HM13: variants seen among roughly 807,000 people sequenced by gnomAD.
HM13 encodes the protein signal peptide peptidase.
HM13 carries 18 observed loss-of-function variants against 50.0 expected under a neutral mutation model. That is an observed-to-expected ratio of 0.36 (90% CI 0.25 to 0.53). The LOEUF is 0.53. HM13 is among the 20% of genes least tolerant of loss of function. HM13 has a pLI of 0.90. For missense variants in HM13, 393 were observed against 552.4 expected (o/e 0.71, Z 2.89); for synonymous variants, 197 against 232.6 (o/e 0.85, Z 1.39).
At chr20:31,561,953 A>G (rs1600668621) in intron 10 of HM13, among the ~76,000 whole-genome samples, 1 of 152,230 alleles carries the variant, frequency 6.6e-6, no homozygotes. Context: ...GAAGGAGGGA[A>G]AAGCGTAACA....
rs573419490 is a variant in HM13, at chr20:31,567,225, G to A, written c.1035-853G>A. 2.4e-4 allele frequency among the ~76,000 whole-genome samples: 36 copies of A among 152,266 alleles called. No individual in the cohort carries two copies. The South Asian group carries it at 3.3e-3, about 14-fold the overall frequency. On this transcript the variant is annotated intron_variant, in intron 11 of 12. Transcript: ENST00000398174. Reference sequence around the variant, plus strand: ...GGTGAACTTGGGGACAGGTCTCAGGGAGCTTTGGGAGCAGGCATGGCACCC... The same window carrying A: ...GGTGAACTTGGGGACAGGTCTCAGGAAGCTTTGGGAGCAGGCATGGCACCC...
chr20:31,521,939 C>T (rs1568779186), intron 1 of HM13, among the ~76,000 whole-genome samples: 3 of 150,682 alleles, frequency 2.0e-5, no homozygotes, highest in Non-Finnish European at 4.4e-5. Flanking sequence ...ACCGATCTGC[C>T]CACCTTGACC....
intron 1 of HM13, among the ~76,000 whole-genome samples, chr20:31,522,554 C>CAAA (rs35963745): frequency 1.4e-4 from 16 of 114,974 alleles, no homozygotes; most frequent in African/African-American, 6.6e-4. Flanking sequence ...TAAAAAAAAA[C>CAAA]AAAAAAAAAA....
intron 1 of HM13, among the ~76,000 whole-genome samples, chr20:31,517,390 C>T (rs1568776632): frequency 6.6e-6 from 1 of 152,168 alleles, no homozygotes; most frequent in Non-Finnish European, 1.5e-5. Context: ...ATGACCCAGG[C>T]AGTAGCTGCA....
chr20:31,551,826 C>T (rs1984049778), intron 7 of HM13, among the ~76,000 whole-genome samples: 1 of 152,188 alleles, frequency 6.6e-6, no homozygotes, highest in African/African-American at 2.4e-5. Flanking sequence ...TTTCTCCCTG[C>T]GTTGAGGAGA....
At chr20:31,568,560 C>G (rs1190197672) in intron 12 of HM13, among the ~76,000 whole-genome samples, 1 of 152,240 alleles carries the variant, frequency 6.6e-6, no homozygotes, top group East Asian at 1.9e-4. Context: ...GGGCACATTC[C>G]TGCCTCACGG....
chr20:31,541,198 C>T (rs141428912), intron 3 of HM13: 41 of 151,922 alleles, frequency 2.7e-4, no homozygotes, highest in African/African-American at 9.2e-4. Flanking sequence ...AATAATGGAT[C>T]ACCTGGGCAT....
intron 2 of HM13, chr20:31,527,835 A>T: frequency 2.3e-6 from 1 of 437,306 alleles, no homozygotes; most frequent in Non-Finnish European, 4.0e-6. Context: ...GTTTCATTGT[A>T]CTGTTTATGT....
In HM13 at chr20:31,543,933, C is replaced by CA. The variant is rs879883499; in HGVS notation, c.366-1003dup. 3.6e-3 allele frequency among the ~76,000 whole-genome samples: 517 copies of CA among 143,538 alleles called. 1 individual carries two copies. Among genetic ancestry groups the CA allele is most frequent in the African/African-American group, 0.012 (458 of 39,406 alleles). 94.2% of individuals were successfully genotyped at this position (143,538 alleles called of 152,430 possible). ...TGGGCGACAGAGTGAGACTCCATCT[C>CA]AAAAAAAAAAAGAGTTCCCTTTTCC... is the stretch of plus-strand genomic sequence containing the variant. On this transcript the variant is annotated intron_variant, in intron 3 of 12. Coordinates refer to ENST00000398174, the MANE Select transcript of HM13 (RefSeq NM_178581.3).
intron 7 of HM13, among the ~76,000 whole-genome samples, chr20:31,553,476 A>G (rs1984138388): frequency 6.6e-6 from 1 of 152,168 alleles, no homozygotes; most frequent in African/African-American, 2.4e-5. Context: ...TTAACTGTGT[A>G]CAAATCATCT....
intron 1 of HM13, among the ~76,000 whole-genome samples, chr20:31,517,095 A>G (rs1981835301): frequency 6.6e-6 from 1 of 152,118 alleles, no homozygotes; most frequent in South Asian, 2.1e-4. Context: ...TTCTACCCTG[A>G]GTCGTTTCCC....
intron 3 of HM13, chr20:31,540,992 A>G (rs1281405669): frequency 6.6e-6 from 1 of 152,044 alleles, no homozygotes; most frequent in Admixed American, 6.6e-5. Flanking sequence ...AAAAAAAAAA[A>G]AGAAATAATT....
chr20:31,524,800 G>A (rs1178062705), intron 1 of HM13, among the ~76,000 whole-genome samples: 6 of 140,178 alleles, frequency 4.3e-5, no homozygotes, highest in South Asian at 2.5e-4. Context: ...TGCACGCTCC[G>A]CCTCCCGGGT....
At chr20:31,547,769 CT>C in intron 4 of HM13, 4 of 962,316 alleles carry the variant, frequency 4.2e-6, no homozygotes, top group Non-Finnish European at 6.7e-6. Flanking sequence ...CACAAATACC[CT>C]TTTATCCTGC....
intron 9 of HM13, among the ~76,000 whole-genome samples, chr20:31,561,279 T>A (rs1984594118): frequency 6.6e-6 from 1 of 152,012 alleles, no homozygotes; most frequent in Admixed American, 6.6e-5. Flanking sequence ...TCCCTGGGGG[T>A]GGGACCTAGA....
chr20:31,519,843 CTTTT>C (rs35626235), intron 1 of HM13, among the ~76,000 whole-genome samples: 2 of 125,600 alleles, frequency 1.6e-5, no homozygotes, highest in African/African-American at 3.3e-5. Flanking sequence ...GCTATGCACA[CTTTT>C]TTTTTTTTTT....
At position 31,550,741 on chromosome 20, in the gene HM13, G is replaced by T. The variant is rs1983998421; in HGVS notation, c.724+620G>T. ...AAGATTGTATAAAACTCTTTAGGAG[G>T]CTGAGGCGGGAGGATCACTTGAGGC... On this transcript the variant is annotated intron_variant, in intron 7 of 12. Transcript: ENST00000398174. 5.3e-5 allele frequency among the ~76,000 whole-genome samples: 8 copies of T among 152,186 alleles called. No homozygotes were observed. In the South Asian group the frequency reaches 1.7e-3, roughly 32 times the overall value.
chr20:31,548,288 G>T (rs1983834894), intron 4 of HM13: 1 of 424,988 alleles, frequency 2.4e-6, no homozygotes, highest in African/African-American at 2.0e-5. Flanking sequence ...TCTGGACTCT[G>T]TGACTCCCGG....
At chr20:31,532,760 T>C (rs1240736750) in intron 2 of HM13, among the ~76,000 whole-genome samples, 2 of 152,000 alleles carry the variant, frequency 1.3e-5, no homozygotes, top group African/African-American at 4.9e-5. Flanking sequence ...CGTGGCTCTG[T>C]GTACATCCAG....
Sources: gnomAD v4.1 joint callset for allele counts (sites outside exome capture counted in the v4.1 genomes callset) on GRCh38, gnomAD v4.1.1 for gene constraint, MANE v1.5 for transcripts, NCBI Gene and HGNC (gene_info 2026-07-23, HGNC 2026-07-21) for gene names.